GNAQ: variants seen among roughly 807,000 people sequenced by gnomAD.
The protein encoded by GNAQ is guanine nucleotide-binding protein G(q) subunit alpha.
GNAQ carries 8 observed loss-of-function variants against 43.9 expected under a neutral mutation model. That is an observed-to-expected ratio of 0.18 (90% CI 0.11 to 0.33). GNAQ has a LOEUF of 0.33. Among genes scored for constraint, GNAQ ranks in the 10% least tolerant of loss-of-function variants. The probability of loss-of-function intolerance (pLI) is 1.00; values close to 1 mark genes in which losing one functional copy is unlikely to be tolerated. For synonymous variants in GNAQ, 155 were observed against 170.7 expected (o/e 0.91, Z 0.71); for missense variants, 158 against 450.8 (o/e 0.35, Z 5.88).
chr9:77,778,899 C>T (rs1486227043), intron 5 of GNAQ, among the ~76,000 whole-genome samples: 2 of 151,760 alleles, frequency 1.3e-5, no homozygotes, highest in Admixed American at 6.6e-5. Flanking sequence ...ATGTGTATAT[C>T]CCTAACAAAA....
At chr9:77,925,087 C>T (rs1351194143) in intron 1 of GNAQ, among the ~76,000 whole-genome samples, 1 of 152,070 alleles carries the variant, frequency 6.6e-6, no homozygotes, top group Non-Finnish European at 1.5e-5. Context: ...CTCTGGGTCC[C>T]AACAACTGCT....
At chr9:77,868,973 C>A (rs1003211500) in intron 2 of GNAQ, among the ~76,000 whole-genome samples, 3 of 152,092 alleles carry the variant, frequency 2.0e-5, no homozygotes, top group African/African-American at 7.2e-5. Context: ...GGCAACAGAG[C>A]AAGACTCTGT....
intron 3 of GNAQ, among the ~76,000 whole-genome samples, chr9:77,800,715 A>T (rs534490939): frequency 6.6e-6 from 1 of 152,228 alleles, no homozygotes; most frequent in Non-Finnish European, 1.5e-5. Flanking sequence ...GTATAATAAT[A>T]AATAAATTTA....
At chr9:77,771,534 G>A (rs1007231592) in intron 5 of GNAQ, among the ~76,000 whole-genome samples, 36 of 152,188 alleles carry the variant, frequency 2.4e-4, no homozygotes, top group Admixed American at 2.1e-3. Flanking sequence ...GAGCACAGGC[G>A]AAGACAAGGA....
At chr9:77,788,329 A>G (rs1053025734) in intron 5 of GNAQ, among the ~76,000 whole-genome samples, 1 of 152,256 alleles carries the variant, frequency 6.6e-6, no homozygotes, top group African/African-American at 2.4e-5. Context: ...GGTAGTTTAA[A>G]TAAATGAAAC....
At chr9:77,834,381 G>A (rs186977969) in intron 2 of GNAQ, among the ~76,000 whole-genome samples, 2 of 152,304 alleles carry the variant, frequency 1.3e-5, no homozygotes, top group East Asian at 3.9e-4. Flanking sequence ...TTTAAGGTTT[G>A]TGAGTCTTGA....
intron 3 of GNAQ, among the ~76,000 whole-genome samples, chr9:77,806,477 G>A (rs1826831404): frequency 6.6e-6 from 1 of 152,118 alleles, no homozygotes; most frequent in Non-Finnish European, 1.5e-5. Flanking sequence ...GGGATTTCAG[G>A]CTACCTGTGA....
chr9:77,814,697 C>T (rs960150434), intron 3 of GNAQ, among the ~76,000 whole-genome samples: 3 of 152,102 alleles, frequency 2.0e-5, no homozygotes, highest in African/African-American at 7.2e-5. Context: ...CTTATTTTCC[C>T]CAAGGGCCCA....
At chr9:77,813,269 T>C (rs998792845) in intron 3 of GNAQ, among the ~76,000 whole-genome samples, 2 of 152,190 alleles carry the variant, frequency 1.3e-5, no homozygotes, top group Non-Finnish European at 2.9e-5. Context: ...ACTAGGGAAA[T>C]GTAGAACTAT....
At chr9:77,745,318 T>C (rs1825712140) in intron 5 of GNAQ, among the ~76,000 whole-genome samples, 1 of 152,088 alleles carries the variant, frequency 6.6e-6, no homozygotes, top group South Asian at 2.1e-4. Context: ...TTCAGTGCTG[T>C]AAAACACCTA....
chr9:77,822,512 T>C (rs181542300), intron 2 of GNAQ, among the ~76,000 whole-genome samples: 7 of 152,176 alleles, frequency 4.6e-5, no homozygotes, highest in Non-Finnish European at 8.8e-5. Context: ...ATGTTGCTGC[T>C]GGTTTGGAAT....
Position 78,025,047 on chromosome 9 carries a change from G to A in GNAQ, c.136+6053C>T, listed in dbSNP as rs1823959777. Among the ~76,000 whole-genome samples, 2 of 152,176 alleles carry A rather than the reference G, an allele frequency of 1.3e-5. 1 individual carries two copies. Among genetic ancestry groups the A allele is most frequent in the Admixed American group, 1.3e-4 (2 of 15,272 alleles). On this transcript the variant is annotated intron_variant, in intron 1 of 6. Transcript: ENST00000286548. Reference sequence around the variant, plus strand: ...GAGCTGTATAGTTAATCCAATTTGGGATTCTCGGCACTGCAACATGGACAT... The same window carrying A: ...GAGCTGTATAGTTAATCCAATTTGGAATTCTCGGCACTGCAACATGGACAT...
intron 2 of GNAQ, among the ~76,000 whole-genome samples, chr9:77,859,840 C>T (rs1827814847): frequency 6.6e-6 from 1 of 152,178 alleles, no homozygotes; most frequent in South Asian, 2.1e-4. Context: ...TTGACCCTAC[C>T]TTACAGTTAT....
chr9:77,898,803 A>AT (rs1347352982), intron 2 of GNAQ, among the ~76,000 whole-genome samples: 2 of 152,260 alleles, frequency 1.3e-5, no homozygotes, highest in Admixed American at 6.5e-5. Context: ...TCCATCTAGT[A>AT]TTTTTTACAA....
rs1414529438 is a variant in GNAQ, at chr9:77,775,135, T to C, written c.735+19328A>G. On this transcript the variant is annotated intron_variant, in intron 5 of 6. Coordinates refer to ENST00000286548, the MANE Select transcript of GNAQ (RefSeq NM_002072.5). ...ATTACCATTTTTAGCATCTGCATAG[T>C]ATTTTATTTTTTAGGTGTACTCTGA... 3.3e-5 allele frequency among the ~76,000 whole-genome samples: 5 copies of C among 152,208 alleles called. No homozygotes were observed. In the East Asian group the frequency reaches 9.6e-4, roughly 29 times the overall value.
chr9:77,737,165 C>T (rs1353701606), intron 5 of GNAQ, among the ~76,000 whole-genome samples: 1 of 152,248 alleles, frequency 6.6e-6, no homozygotes, highest in South Asian at 2.1e-4. Context: ...ACTCTCTCTA[C>T]ACCCATTATT....
chr9:77,975,241 C>T (rs1305443160), intron 1 of GNAQ, among the ~76,000 whole-genome samples: 1 of 152,168 alleles, frequency 6.6e-6, no homozygotes, highest in African/African-American at 2.4e-5. Flanking sequence ...AAATCTTGGA[C>T]AGTCACATTT....
At chr9:77,820,489 T>A (rs937210486) in intron 2 of GNAQ, among the ~76,000 whole-genome samples, 17 of 152,172 alleles carry the variant, frequency 1.1e-4, no homozygotes, top group African/African-American at 4.1e-4. Context: ...TGTGAGTGAT[T>A]CACTCCCATA....
At chr9:77,939,870 C>CA (rs1829289484) in intron 1 of GNAQ, among the ~76,000 whole-genome samples, 1 of 152,164 alleles carries the variant, frequency 6.6e-6, no homozygotes, top group Admixed American at 6.5e-5. Context: ...CTGATTTCTG[C>CA]ACCCTCCCCT....
Sources: gnomAD v4.1 joint callset for allele counts (sites outside exome capture counted in the v4.1 genomes callset) on GRCh38, gnomAD v4.1.1 for gene constraint, MANE v1.5 for transcripts, NCBI Gene and HGNC (gene_info 2026-07-23, HGNC 2026-07-21) for gene names.